Variants in RASEF observed in about 807,000 individuals in gnomAD.
RASEF encodes RAS and EF-hand domain containing.
RASEF carries 68 observed loss-of-function variants against 90.1 expected under a neutral mutation model. The ratio of observed to expected loss-of-function variants is 0.75; its 90% CI spans 0.62 to 0.92. The LOEUF (loss-of-function observed/expected upper bound fraction) is 0.92. Ranked by LOEUF, RASEF falls within the 40% of genes least tolerant of loss-of-function variation. The pLI is 0.00. For missense variants in RASEF, 949 were observed against 937.2 expected (o/e 1.01, Z -0.16); for synonymous variants, 331 against 345.2 (o/e 0.96, Z 0.46).
chr9:83,195,402 A>G, the RASEF span, among the ~76,000 whole-genome samples: 1 of 152,274 alleles, frequency 6.6e-6, no homozygotes, highest in South Asian at 2.1e-4. Flanking sequence ...TAAGCTGACA[A>G]TCGGGTGGGA....
rs539503701 is a variant in RASEF, at chr9:83,022,282, G to A, written c.669+54C>T. ...CCAGAAGAGTGCCTGGGCCCTCTCC[G>A]TAGAAACCACCTCATAAAGATCTGC... On this transcript the variant is annotated intron_variant, in intron 3 of 16. Transcript: ENST00000376447. 134 of 1,384,004 alleles carry A rather than the reference G, an allele frequency of 9.7e-5. 1 individual carries two copies. The East Asian group carries it at 2.1e-3, about 22-fold the overall frequency. The allele number at this position is 1,384,004 out of a possible 1,614,324, so 85.7% of individuals were successfully genotyped here.
At chr9:83,066,628 C>T (rs762570915), upstream of RASEF, among the ~76,000 whole-genome samples, 1 of 152,124 alleles carries the variant, frequency 6.6e-6, no homozygotes, top group African/African-American at 2.4e-5. Context: ...CATGACTTTT[C>T]GAAAGATCAG....
chr9:83,203,263 CTA>C, the RASEF span, among the ~76,000 whole-genome samples: 1 of 149,552 alleles, frequency 6.7e-6, no homozygotes, highest in Non-Finnish European at 1.5e-5. Flanking sequence ...TCCTTATGTT[CTA>C]TTTCAGTCCT....
chr9:83,042,697 T>TA (rs1378725202), intron 1 of RASEF, among the ~76,000 whole-genome samples: 1 of 151,300 alleles, frequency 6.6e-6, no homozygotes, highest in East Asian at 1.9e-4. Context: ...GAAACTCAGG[T>TA]ATCTGACTAA....
At chr9:83,194,616 C>T in the RASEF span, among the ~76,000 whole-genome samples, 1 of 152,180 alleles carries the variant, frequency 6.6e-6, no homozygotes, top group East Asian at 1.9e-4. Flanking sequence ...AGTTCTACCT[C>T]TTTATTGCAT....
intron 9 of RASEF, among the ~76,000 whole-genome samples, chr9:83,001,952 G>C (rs1030007183): frequency 2.0e-5 from 3 of 152,200 alleles, no homozygotes; most frequent in African/African-American, 7.2e-5. Context: ...GACTTCTATA[G>C]ATCTTACCAT....
In RASEF at chr9:83,012,529, AG is replaced by A. The variant is rs777440935; in HGVS notation, c.766-19del. On this transcript the variant is annotated intron_variant, in intron 4 of 16. Transcript: ENST00000376447. Reference sequence around the variant, plus strand: ...TCTTCGAGCTGAAAGACCAAATAAAAGTTGTGTGCTTACAAACTCACTTTGA... The same window carrying A: ...TCTTCGAGCTGAAAGACCAAATAAAATTGTGTGCTTACAAACTCACTTTGA... 6.6e-7 allele frequency: 1 copy of A among 1,507,562 alleles called. No individual in the cohort carries two copies. Among genetic ancestry groups the A allele is most frequent in the Admixed American group, 1.9e-5 (1 of 53,600 alleles). 93.4% of individuals were successfully genotyped at this position (1,507,562 alleles called of 1,614,324 possible).
the RASEF span, among the ~76,000 whole-genome samples, chr9:83,083,796 C>T: frequency 2.0e-5 from 3 of 152,168 alleles, no homozygotes; most frequent in East Asian, 5.8e-4. Flanking sequence ...TAAACTGGTA[C>T]AGCCTTTCTT....
the RASEF span, among the ~76,000 whole-genome samples, chr9:83,122,626 T>C: frequency 1.3e-5 from 2 of 152,376 alleles, no homozygotes; most frequent in South Asian, 2.1e-4. Context: ...CCAGCCATTA[T>C]GTAGCCATTA....
the RASEF span, among the ~76,000 whole-genome samples, chr9:83,082,206 G>T: frequency 6.6e-6 from 1 of 152,174 alleles, no homozygotes; most frequent in African/African-American, 2.4e-5. Context: ...TACTTAGGAA[G>T]TTTTCTCTCT....
chr9:83,027,130 T>C (rs1829563030), intron 1 of RASEF, among the ~76,000 whole-genome samples: 1 of 152,202 alleles, frequency 6.6e-6, no homozygotes, highest in South Asian at 2.1e-4. Context: ...ATGGAAGAGA[T>C]GCTTTGGGCA....
chr9:83,036,853 G>T (rs1829749120), intron 1 of RASEF, among the ~76,000 whole-genome samples: 2 of 151,994 alleles, frequency 1.3e-5, no homozygotes, highest in South Asian at 4.2e-4. Flanking sequence ...GTGAGTACAG[G>T]TTACACGGGA....
At chr9:83,147,059 T>TATATATAA in the RASEF span, among the ~76,000 whole-genome samples, 13 of 147,810 alleles carry the variant, frequency 8.8e-5, no homozygotes, top group African/African-American at 3.0e-4. Flanking sequence ...TATATATATA[T>TATATATAA]AAATATGTAC....
At chr9:83,167,901 C>T in the RASEF span, among the ~76,000 whole-genome samples, 1 of 152,134 alleles carries the variant, frequency 6.6e-6, no homozygotes, top group East Asian at 1.9e-4. Flanking sequence ...TTTTATTATG[C>T]ACCCACCAGT....
chr9:83,178,290 A>C, the RASEF span, among the ~76,000 whole-genome samples: 3 of 152,192 alleles, frequency 2.0e-5, no homozygotes, highest in Non-Finnish European at 4.4e-5. Context: ...ACACCTGCTA[A>C]TTGACAAATC....
intron 1 of RASEF, among the ~76,000 whole-genome samples, chr9:83,029,783 G>A (rs1478785613): frequency 2.0e-5 from 3 of 152,008 alleles, no homozygotes; most frequent in Non-Finnish European, 4.4e-5. Flanking sequence ...ATTGCTCAAG[G>A]AAAATATTAT....
rs1167611090 is a variant in RASEF at position 83,007,482 on chromosome 9, T to C, written c.983A>G (p.Tyr328Cys). 1.2e-6 allele frequency: 2 copies of C among 1,613,172 alleles called. No individual in the cohort carries two copies. Among genetic ancestry groups the C allele is most frequent in the Non-Finnish European group, 1.7e-6 (2 of 1,179,098 alleles). The change falls in exon 7 of 17, where the codon TAC (tyrosine) becomes TGC (cysteine). Residue 328 changes from tyrosine to cysteine, a missense_variant. Tyr to Cys is a radical substitution (Grantham distance 194). This residue lies in a region of RASEF where 656 missense variants were observed against 592.2 expected (regional missense o/e 1.11). Coordinates refer to ENST00000376447, the MANE Select transcript of RASEF (RefSeq NM_152573.4). ...CTCAAGACTATTTCGATCTTCTGTG[T>C]ATGCTCGGATTATTTCCAGATCCCT... The part of the protein sequence containing the change: ...TERDLEIIRA[Y>C]TEDRNSLERQ...
intron 16 of RASEF, among the ~76,000 whole-genome samples, chr9:82,983,107 CCACACACACACACA>C (rs10539196): frequency 5.8e-4 from 75 of 128,648 alleles, no homozygotes; most frequent in Non-Finnish European, 6.5e-4. Flanking sequence ...GAGTACCAGG[CCACACACACACACA>C]CACACACACA....
the RASEF span, among the ~76,000 whole-genome samples, chr9:83,145,105 G>A: frequency 1.3e-5 from 2 of 152,102 alleles, no homozygotes; most frequent in Admixed American, 6.6e-5. Flanking sequence ...CTTTGGAGGT[G>A]CCTCTTCAAT....
Sources: gnomAD v4.1 joint callset for allele counts (sites outside exome capture counted in the v4.1 genomes callset) on GRCh38, gnomAD v4.1.1 for gene constraint, gnomAD v4.1.1 regional missense constraint, MANE v1.5 for transcripts, NCBI Gene and HGNC (gene_info 2026-07-23, HGNC 2026-07-21) for gene names.